Variants in TOPAZ1 observed in about 807,000 individuals in gnomAD.
TOPAZ1 encodes the protein testis and ovary specific TOPAZ 1, also known as protein TOPAZ1.
TOPAZ1 carries 66 observed loss-of-function variants against 172.2 expected under a neutral mutation model. The ratio of observed to expected loss-of-function variants is 0.38; its 90% CI spans 0.31 to 0.47. The LOEUF (loss-of-function observed/expected upper bound fraction) is 0.47, where lower values mean the gene tolerates loss of function less well. Ranked by LOEUF, TOPAZ1 falls within the 20% of genes least tolerant of loss-of-function variation. The probability of loss-of-function intolerance (pLI) is 0.99; values close to 1 mark genes in which losing one functional copy is unlikely to be tolerated. For synonymous variants in TOPAZ1, 681 were observed against 683.9 expected (o/e 1.00, Z 0.07); for missense variants, 1,822 against 1,972.4 (o/e 0.92, Z 1.44).
intron 18 of TOPAZ1, among the ~76,000 whole-genome samples, chr3:44,327,783 C>G (rs1223353977): frequency 1.3e-5 from 2 of 151,768 alleles, no homozygotes; most frequent in Non-Finnish European, 2.9e-5. Context: ...CTCACACTGT[C>G]GCCTAGGCTG....
chr3:44,282,009 A>C lies in TOPAZ1; in HGVS notation c.3414A>C (p.Glu1138Asp). 2.6e-6 allele frequency: 4 copies of C among 1,547,632 alleles called. No individual in the cohort carries two copies. Among genetic ancestry groups the C allele is most frequent in the Non-Finnish European group, 3.5e-6 (4 of 1,144,654 alleles). ...TTAAGAAATATATAAATATCAATGA[A>C]CTGTGTTTGCTACAGCGTGCAGGTA... is the stretch of plus-strand genomic sequence containing the variant. The part of the protein sequence containing the change: ...DVFKKYININ[E>D]LCLLQRAVNI... Residue 1138 changes from glutamate (E) to aspartate (D), a missense_variant, in exon 9 of 20, where the codon GAA becomes GAC. Physicochemically the swap from Glu to Asp is conservative, Grantham distance 45. Around this residue, in one of 2 missense-constraint regions of TOPAZ1, gnomAD observed 1,489 missense variants for 1,490.8 expected, o/e 1.00. Transcript: ENST00000309765.
In TOPAZ1 at chr3:44,244,517, A is replaced by G; in HGVS notation, c.2011A>G (p.Ile671Val). Reference sequence around the variant, plus strand: ...AGCATGCATTGCTCAACAAACATTTATAGTTCCAGACTTGGTTAAAATATT... The same window carrying G: ...AGCATGCATTGCTCAACAAACATTTGTAGTTCCAGACTTGGTTAAAATATT... ...RKACIAQQTF[I>V]VPDLVKILNT... The change falls in exon 2 of 20, where the codon ATA (isoleucine) becomes GTA (valine). Residue 671 changes from isoleucine to valine, a missense_variant. This residue lies in a region of TOPAZ1 where 1,489 missense variants were observed against 1,490.8 expected (regional missense o/e 1.00). Coordinates refer to ENST00000309765, the MANE Select transcript of TOPAZ1 (RefSeq NM_001145030.2). The G allele has an allele frequency of 1.7e-5, 27 of 1,551,538 alleles. No homozygotes were observed. The highest frequency in any genetic ancestry group is 2.2e-5 in the Non-Finnish European group (25 of 1,146,948).
rs1204458488 is a variant in TOPAZ1 at position 44,306,530 on chromosome 3, C to T, written c.4140+104C>T. On this transcript the variant is annotated intron_variant, in intron 15 of 19. Coordinates refer to ENST00000309765, the MANE Select transcript of TOPAZ1 (RefSeq NM_001145030.2). ...TGCAAATTAGGAGTTTGCTAATAAT[C>T]ATTACAATTGATAAAGTGGGACCCA... 20 of 601,316 alleles carry T rather than the reference C, an allele frequency of 3.3e-5. No homozygotes were observed. The East Asian group carries it at 5.1e-4, about 15-fold the overall frequency. 37.2% of individuals were successfully genotyped at this position (601,316 alleles called of 1,614,324 possible).
In TOPAZ1 at chr3:44,312,335, A is replaced by T. The variant is rs533927831; in HGVS notation, c.4306+2345A>T. On this transcript the variant is annotated intron_variant, in intron 16 of 19. Coordinates refer to ENST00000309765, the MANE Select transcript of TOPAZ1 (RefSeq NM_001145030.2). ...ACGTATTTGCTTATATACCCTTAAAATATGTGTAGAAGAATGCACAAGAAA... is the reference window on the plus strand; with the variant it reads ...ACGTATTTGCTTATATACCCTTAAATTATGTGTAGAAGAATGCACAAGAAA... Among the ~76,000 whole-genome samples the T allele has an allele frequency of 2.6e-5, 4 of 152,296 alleles. No homozygotes were observed. In the East Asian group the frequency reaches 7.7e-4, roughly 29 times the overall value.
chr3:44,303,107 T>C (rs1274344596), intron 12 of TOPAZ1, among the ~76,000 whole-genome samples: 1 of 152,224 alleles, frequency 6.6e-6, no homozygotes, highest in Non-Finnish European at 1.5e-5. Context: ...TGCTGAAATT[T>C]CTGGTGTGAG....
chr3:44,316,902 G>A (rs1233113029), intron 16 of TOPAZ1, among the ~76,000 whole-genome samples: 1 of 151,904 alleles, frequency 6.6e-6, no homozygotes, highest in African/African-American at 2.4e-5. Context: ...TTTCTCCCAA[G>A]CATCTCTGTG....
intron 7 of TOPAZ1, among the ~76,000 whole-genome samples, chr3:44,270,302 G>T (rs1699881554): frequency 6.6e-6 from 1 of 152,128 alleles, no homozygotes; most frequent in South Asian, 2.1e-4. Context: ...GAAGAGGAAT[G>T]TGTACATTTT....
At chr3:44,265,260 A>C (rs1699817455) in intron 5 of TOPAZ1, among the ~76,000 whole-genome samples, 1 of 152,200 alleles carries the variant, frequency 6.6e-6, no homozygotes, top group African/African-American at 2.4e-5. Flanking sequence ...TTGTGTTAGC[A>C]GGCATAAAAA....
At chr3:44,255,116 C>A in intron 3 of TOPAZ1, 87 bp downstream of exon 3, 3 of 950,634 alleles carry the variant, frequency 3.2e-6, no homozygotes, top group Non-Finnish European at 4.8e-6. Flanking sequence ...TTCACTAGAA[C>A]AAGAAGCTTT....
In TOPAZ1 at chr3:44,323,689, T is replaced by G. The variant is rs554169327; in HGVS notation, c.4675+394T>G. Reference sequence around the variant, plus strand: ...CTGCTATATCCCTAATTGTTATAACTAAAAATATTCAATAGCAGGTCACAT... The same window carrying G: ...CTGCTATATCCCTAATTGTTATAACGAAAAATATTCAATAGCAGGTCACAT... On this transcript the variant is annotated intron_variant, in intron 18 of 19. Transcript: ENST00000309765. Among the ~76,000 whole-genome samples the G allele has an allele frequency of 5.9e-5, 9 of 152,338 alleles. No homozygotes were observed. In the East Asian group the frequency reaches 1.7e-3, roughly 29 times the overall value.
intron 6 of TOPAZ1, among the ~76,000 whole-genome samples, chr3:44,267,522 C>G (rs1183122177): frequency 6.6e-6 from 1 of 151,956 alleles, no homozygotes; most frequent in Non-Finnish European, 1.5e-5. Context: ...GTCTTGAACT[C>G]CTGACCTCGT....
chr3:44,252,512 C>T (rs1699645907), intron 2 of TOPAZ1, among the ~76,000 whole-genome samples: 1 of 152,186 alleles, frequency 6.6e-6, no homozygotes, highest in African/African-American at 2.4e-5. Flanking sequence ...GATCTGTATC[C>T]ATTTCCTGTT....
intron 4 of TOPAZ1, among the ~76,000 whole-genome samples, chr3:44,256,614 G>T (rs955797266): frequency 1.2e-4 from 18 of 152,044 alleles, no homozygotes; most frequent in Non-Finnish European, 2.4e-4. Flanking sequence ...AAAATCGTTT[G>T]ATCTTCCTTA....
chr3:44,332,801 T>A (rs114539381), downstream of TOPAZ1, among the ~76,000 whole-genome samples: 120,740 of 148,622 alleles, frequency 0.81, 48,895 homozygotes, highest in Middle Eastern at 0.89. Flanking sequence ...ACTGAAAGTT[T>A]TTTTTTTTTT....
At chr3:44,305,908 T>G (rs182936496) in intron 14 of TOPAZ1, among the ~76,000 whole-genome samples, 71 of 152,326 alleles carry the variant, frequency 4.7e-4, no homozygotes, top group African/African-American at 1.6e-3. Context: ...TTGGTAAAAC[T>G]ATTGCTAACA....
intron 12 of TOPAZ1, among the ~76,000 whole-genome samples, chr3:44,292,033 G>A (rs1472882557): frequency 1.3e-5 from 2 of 152,086 alleles, no homozygotes; most frequent in African/African-American, 2.4e-5. Context: ...CCTTAACATA[G>A]GCTTATTTAA....
chr3:44,315,642 G>A (rs1361177617), intron 16 of TOPAZ1, among the ~76,000 whole-genome samples: 1 of 151,768 alleles, frequency 6.6e-6, no homozygotes, highest in East Asian at 1.9e-4. Context: ...AAAGTGCTGG[G>A]ATTACAGGCG....
Position 44,244,881 on chromosome 3 carries a change from T to C in TOPAZ1, c.2375T>C (p.Ile792Thr), listed in dbSNP as rs753046514. ...AATCACGTCTCTGAACCAGGCAATA[T>C]TGTTTCTAATAAAGAAGTTGCTTCT... Reference protein sequence around the residue: ...PSNHVSEPGNIVSNKEVASLT... With the variant: ...PSNHVSEPGNTVSNKEVASLT... The change falls in exon 2 of 20, where the codon ATT becomes ACT. Residue 792 changes from isoleucine to threonine, a missense_variant. Transcript: ENST00000309765. The C allele has an allele frequency of 1.2e-5, 19 of 1,551,750 alleles. No individual in the cohort carries two copies. Among genetic ancestry groups the C allele is most frequent in the Non-Finnish European group, 1.7e-5 (19 of 1,147,002 alleles).
intron 3 of TOPAZ1, among the ~76,000 whole-genome samples, chr3:44,255,660 A>AT (rs1250663574): frequency 2.5e-5 from 2 of 81,208 alleles, no homozygotes; most frequent in African/African-American, 1.2e-4. Context: ...TCAAAAAAAA[A>AT]AAATATATAT....
Sources: gnomAD v4.1 joint callset for allele counts (sites outside exome capture counted in the v4.1 genomes callset) on GRCh38, gnomAD v4.1.1 for gene constraint, gnomAD v4.1.1 regional missense constraint, MANE v1.5 for transcripts, NCBI Gene and HGNC (gene_info 2026-07-23, HGNC 2026-07-21) for gene names.